SUPV3L1: variants seen among roughly 807,000 people sequenced by gnomAD.
SUPV3L1 encodes the protein Suv3 like RNA helicase, also known as ATP-dependent RNA helicase SUPV3L1, mitochondrial.
A neutral mutation model predicts 70.0 loss-of-function variants in SUPV3L1; 35 were observed. The observed-to-expected ratio is 0.50, with a 90% CI of 0.38 to 0.66. The LOEUF is 0.66. Among genes scored for constraint, SUPV3L1 ranks in the 30% least tolerant of loss-of-function variants. The pLI is 0.00. For missense variants in SUPV3L1, 777 were observed against 961.5 expected (o/e 0.81, Z 2.54); for synonymous variants, 364 against 341.9 (o/e 1.06, Z -0.71).
intron 6 of SUPV3L1, 103 bp downstream of exon 6, chr10:69,191,869 C>A: frequency 1.3e-6 from 1 of 781,146 alleles, no homozygotes; most frequent in Non-Finnish European, 2.0e-6. Context: ...TGCAATGGTA[C>A]TATCTCGGCT....
chr10:69,191,561 A>T lies in SUPV3L1; in HGVS notation c.742-94A>T. 3.0e-6 allele frequency: 3 copies of T among 1,011,508 alleles called. No homozygotes were observed. In the East Asian group the frequency reaches 7.5e-5, roughly 25 times the overall value. 62.7% of individuals were successfully genotyped at this position (1,011,508 alleles called of 1,614,324 possible). A position where few individuals can be genotyped will look rare whatever the true frequency, so the allele number is the denominator to read the frequency against. On this transcript the variant is annotated intron_variant, in intron 5 of 14. Coordinates refer to ENST00000359655, the MANE Select transcript of SUPV3L1 (RefSeq NM_003171.5). The stretch of plus-strand genomic sequence containing the variant: ...TTATGTTTTAACTGTGAAACAAACT[A>T]ATTTGGTGGTAGTGGAGAGAACACC...
intron 1 of SUPV3L1, among the ~76,000 whole-genome samples, chr10:69,184,063 G>A (rs141573500): frequency 1.3e-5 from 2 of 152,142 alleles, no homozygotes; most frequent in East Asian, 3.8e-4. Flanking sequence ...AAAGCAGCAT[G>A]AATCTTATAT....
chr10:69,202,289 A>T (rs7901737), intron 11 of SUPV3L1, 150 bp from the exon 12 acceptor site: 8,415 of 560,228 alleles, frequency 0.015, 573 homozygotes, highest in African/African-American at 0.14. Flanking sequence ...GTAAAATGAT[A>T]TTTTTTCTCT....
intron 5 of SUPV3L1, among the ~76,000 whole-genome samples, chr10:69,191,176 A>G (rs558571631): frequency 6.6e-6 from 1 of 152,188 alleles, no homozygotes; most frequent in Non-Finnish European, 1.5e-5. Flanking sequence ...CAAGTTGTGT[A>G]AGAGAGTGGC....
At chr10:69,203,102 C>G (rs1842727745) in intron 13 of SUPV3L1, 59 bp downstream of exon 13, 2 of 1,507,966 alleles carry the variant, frequency 1.3e-6, no homozygotes, top group African/African-American at 2.8e-5. Flanking sequence ...GTTCCCCAAA[C>G]AGTACTTTGT....
intron 5 of SUPV3L1, among the ~76,000 whole-genome samples, chr10:69,189,646 CTTTTT>C (rs34718589): frequency 8.0e-6 from 1 of 125,056 alleles, no homozygotes; most frequent in Non-Finnish European, 1.6e-5. Flanking sequence ...GCTATCAATT[CTTTTT>C]TTTTTTTTTT....
At chr10:69,199,252 T>C (rs1842622720) in intron 10 of SUPV3L1, 55 bp downstream of exon 10, 5 of 1,405,548 alleles carry the variant, frequency 3.6e-6, no homozygotes, top group Non-Finnish European at 4.9e-6. Context: ...TGGTGGTTTT[T>C]TTGTTTTTCA....
At chr10:69,180,634 C>CG in intron 1 of SUPV3L1, 72 bp downstream of exon 1, 1 of 1,567,152 alleles carries the variant, frequency 6.4e-7, no homozygotes, top group South Asian at 1.2e-5. Context: ...GAGGAAGCTA[C>CG]ATCCCCTTCC....
Position 69,202,852 on chromosome 10 carries a change from CT to C in SUPV3L1, c.1600-8del, listed in dbSNP as rs111309787. On this transcript the variant is annotated splice_polypyrimidine_tract_variant and intron_variant, in intron 12 of 14. Coordinates refer to ENST00000359655, the MANE Select transcript of SUPV3L1 (RefSeq NM_003171.5). ...ACTTAGGCAGTCCAGTAATTTCTGTCTTTTTTTCCCCAAGGATATTTTTGTA... is the reference window on the plus strand; with the variant it reads ...ACTTAGGCAGTCCAGTAATTTCTGTCTTTTTTCCCCAAGGATATTTTTGTA... 4.5e-4 allele frequency: 726 copies of C among 1,606,934 alleles called. 3 individuals are homozygous for C. The African/African-American group carries it at 8.2e-3, about 18-fold the overall frequency.
Position 69,208,988 on chromosome 10 carries a change from C to T in SUPV3L1, c.2314C>T (p.His772Tyr), listed in dbSNP as rs746373029. 6.3e-7 allele frequency: 1 copy of T among 1,593,856 alleles called. No individual in the cohort carries two copies. Among genetic ancestry groups the T allele is most frequent in the East Asian group, 2.2e-5 (1 of 44,660 alleles). Residue 772 changes from histidine (H) to tyrosine (Y), a missense_variant, in exon 15 of 15, where the codon CAT becomes TAT. Transcript: ENST00000359655. ...CAAAGAAAAAACAGAGTCTGGGACT[C>T]ATCCAAAAGGGACGAGAAGAAAGAA... ...HNKEKTESGT[H>Y]PKGTRRKKKE...
chr10:69,204,838 A>G (rs1842782933), intron 13 of SUPV3L1, among the ~76,000 whole-genome samples: 1 of 150,934 alleles, frequency 6.6e-6, no homozygotes, highest in African/African-American at 2.4e-5. Context: ...CAGTTGTGTC[A>G]TCTCAGCTCA....
intron 1 of SUPV3L1, among the ~76,000 whole-genome samples, chr10:69,184,887 C>T: frequency 6.6e-6 from 1 of 152,150 alleles, no homozygotes; most frequent in Admixed American, 6.5e-5. Context: ...CTCATTGTGG[C>T]TTCTCCTCCT....
At chr10:69,193,461 T>G (rs961408660) in intron 6 of SUPV3L1, among the ~76,000 whole-genome samples, 3 of 151,500 alleles carry the variant, frequency 2.0e-5, no homozygotes, top group Non-Finnish European at 4.4e-5. Context: ...AGTTTTTTTT[T>G]TTTTTTTTTT....
chr10:69,185,691 G>A (rs987337175), intron 1 of SUPV3L1, among the ~76,000 whole-genome samples: 2 of 151,762 alleles, frequency 1.3e-5, no homozygotes, highest in African/African-American at 4.8e-5. Context: ...TAGTAGAGAC[G>A]GGGTTTCACC....
chr10:69,180,252 G>A lies in SUPV3L1; in HGVS notation c.-40G>A. On this transcript the variant is annotated 5_prime_UTR_variant, in exon 1 of 15. Coordinates refer to ENST00000359655, the MANE Select transcript of SUPV3L1 (RefSeq NM_003171.5). ...GGTGCGCGTCACTGTCCGCCGCCGT[G>A]TCCGCGGCTGCGCCAGACAGTGTAG... is the stretch of plus-strand genomic sequence containing the variant. The A allele has an allele frequency of 6.3e-7, 1 of 1,587,750 alleles. No individual in the cohort carries two copies. Among genetic ancestry groups the A allele is most frequent in the Non-Finnish European group, 8.6e-7 (1 of 1,165,088 alleles).
Position 69,187,651 on chromosome 10 carries a change from A to G in SUPV3L1, c.467A>G (p.Asp156Gly), listed in dbSNP as rs1367870877. The change falls in exon 4 of 15, where the codon GAT becomes GGT. Residue 156 changes from aspartate (D) to glycine (G), a missense_variant. Physicochemically the swap from Asp to Gly is moderately conservative, Grantham distance 94 (BLOSUM62 -1). Coordinates refer to ENST00000359655, the MANE Select transcript of SUPV3L1 (RefSeq NM_003171.5). ...GTGTTTTATTTTCCAGCTCATGCGG[A>G]TGATTTATTCCCATTTTTCTTGAGA... ...NDICFGAAHADDLFPFFLRHA... is the reference protein window; with the variant it reads ...NDICFGAAHAGDLFPFFLRHA... 1 of 1,607,114 alleles carries G rather than the reference A, an allele frequency of 6.2e-7. No homozygotes were observed. Among genetic ancestry groups the G allele is most frequent in the South Asian group, 1.1e-5 (1 of 89,646 alleles).
At chr10:69,182,835 A>C (rs1222867427) in intron 1 of SUPV3L1, among the ~76,000 whole-genome samples, 3 of 152,174 alleles carry the variant, frequency 2.0e-5, no homozygotes. Context: ...GTCACTTCTC[A>C]ATCTCTTTTG....
At chr10:69,185,951 A>G in intron 1 of SUPV3L1, 36 bp from the exon 2 acceptor site, 1 of 1,517,808 alleles carries the variant, frequency 6.6e-7, no homozygotes, top group East Asian at 2.2e-5. Flanking sequence ...TTTATCTAAG[A>G]TAAGGAAACG....
rs1336766297 is a variant in SUPV3L1, at chr10:69,187,645, A to T, written c.461A>T (p.His154Leu). 1 of 1,601,840 alleles carries T rather than the reference A, an allele frequency of 6.2e-7. No homozygotes were observed. The highest frequency in any genetic ancestry group is 1.1e-5 in the South Asian group (1 of 89,268). The part of the protein sequence containing the change: ...VLNDICFGAA[H>L]ADDLFPFFLR... ...AATACAGTGTTTTATTTTCCAGCTCATGCGGATGATTTATTCCCATTTTTC... is the reference window on the plus strand; with the variant it reads ...AATACAGTGTTTTATTTTCCAGCTCTTGCGGATGATTTATTCCCATTTTTC... The change falls in exon 4 of 15, where the codon CAT becomes CTT. Residue 154 changes from histidine to leucine, a missense_variant. His to Leu is a moderately conservative substitution (Grantham distance 99, BLOSUM62 -3). Transcript: ENST00000359655.
Sources: allele counts gnomAD v4.1 joint callset (sites outside exome capture counted in the v4.1 genomes callset), GRCh38; gene constraint gnomAD v4.1.1; transcripts MANE v1.5; gene names NCBI Gene and HGNC (gene_info 2026-07-23, HGNC 2026-07-21).